Variants in HEATR6 observed in about 807,000 individuals in gnomAD.
The protein encoded by HEATR6 is HEAT repeat containing 6, also known as HEAT repeat-containing protein 6.
In HEATR6, 106 loss-of-function variants were observed where a neutral mutation model predicts 132.8. The ratio of observed to expected loss-of-function variants is 0.80; its 90% CI spans 0.68 to 0.94. The LOEUF (loss-of-function observed/expected upper bound fraction) is 0.94. HEATR6 is among the 40% of genes least tolerant of loss of function. The pLI, the probability that HEATR6 is intolerant of heterozygous loss-of-function variation, is 0.00. For synonymous variants in HEATR6, 529 were observed against 537.8 expected (o/e 0.98, Z 0.23); for missense variants, 1,339 against 1,425.1 (o/e 0.94, Z 0.97).
Position 60,046,016 on chromosome 17 carries a change from C to G in HEATR6, c.2974+9G>C. On this transcript the variant is annotated intron_variant, in intron 19 of 19. Coordinates refer to ENST00000184956, the MANE Select transcript of HEATR6 (RefSeq NM_022070.5). ...CTTTCCACCAGGGAGTGAAGGGAAA[C>G]TTTCTTACCTAAAGGAAGGGCAGGA... The G allele has an allele frequency of 1.2e-6, 2 of 1,608,252 alleles. No homozygotes were observed. The highest frequency in any genetic ancestry group is 1.1e-5 in the South Asian group (1 of 90,908).
intron 16 of HEATR6, among the ~76,000 whole-genome samples, chr17:60,049,225 C>T (rs1906499032): frequency 6.6e-6 from 1 of 150,958 alleles, no homozygotes; most frequent in East Asian, 1.9e-4. Flanking sequence ...ACATCCCAGG[C>T]TCAAGTGAGC....
chr17:60,074,269 C>G (rs1427323980), intron 2 of HEATR6: 1 of 232,190 alleles, frequency 4.3e-6, no homozygotes, highest in East Asian at 1.7e-4. Context: ...CTGCTAAATA[C>G]CTACTGCATC....
intron 5 of HEATR6, among the ~76,000 whole-genome samples, chr17:60,071,409 A>T (rs964063932): frequency 1.3e-5 from 2 of 152,238 alleles, no homozygotes; most frequent in South Asian, 4.1e-4. Flanking sequence ...TTATAAAAGA[A>T]GCTAACCCTC....
chr17:60,075,454 G>T (rs759147876), intron 2 of HEATR6, among the ~76,000 whole-genome samples: 2 of 152,134 alleles, frequency 1.3e-5, no homozygotes, highest in Non-Finnish European at 2.9e-5. Context: ...TATGTTTTGT[G>T]CTCTTAAATA....
intron 2 of HEATR6, chr17:60,075,898 C>A: frequency 3.7e-6 from 1 of 267,242 alleles, no homozygotes; most frequent in Non-Finnish European, 7.0e-6. Context: ...TATTGGTTTA[C>A]TGAACCAAAC....
chr17:60,062,958 CT>C, intron 9 of HEATR6: 1 of 176,350 alleles, frequency 5.7e-6, no homozygotes, highest in Non-Finnish European at 1.1e-5. Flanking sequence ...AAAGAAGTGC[CT>C]TTTGCCTCCT....
At chr17:60,045,654 A>T (rs549841123) in intron 19 of HEATR6, among the ~76,000 whole-genome samples, 1 of 152,330 alleles carries the variant, frequency 6.6e-6, no homozygotes, top group South Asian at 2.1e-4. Context: ...AACAGAAAAA[A>T]TCCTACCCAT....
At position 60,066,261 on chromosome 17, in the gene HEATR6, C is replaced by A; in HGVS notation, c.1364G>T (p.Ser455Ile). 1 of 1,614,060 alleles carries A rather than the reference C, an allele frequency of 6.2e-7. No homozygotes were observed. The highest frequency in any genetic ancestry group is 8.5e-7 in the Non-Finnish European group (1 of 1,179,978). The change falls in exon 9 of 20, where the codon AGC becomes ATC. Residue 455 changes from serine to isoleucine, a missense_variant. Coordinates refer to ENST00000184956, the MANE Select transcript of HEATR6 (RefSeq NM_022070.5). ...AFIPDTPELG[S>I]PQSVSLMTLT... ...AGTCATCAAGGACACTGACTGTGGG[C>A]TGCCAAGTTCAGGCGTATCAGGAAT...
At position 60,057,122 on chromosome 17, in the gene HEATR6, A is replaced by G. The variant is rs777777144; in HGVS notation, c.2005T>C (p.Cys669Arg). 6.8e-6 allele frequency: 11 copies of G among 1,614,178 alleles called. No individual in the cohort carries two copies. The South Asian group carries it at 7.7e-5, about 11-fold the overall frequency. ...SIVVLPKEDS[C>R]SGSDAGSAAG... ...GCAGAGCCAGCATCGCTACCTGAAC[A>G]GGAATCCTCCTTGGGCAGTACGACA... The change falls in exon 12 of 20, where the codon TGT (cysteine) becomes CGT (arginine). Residue 669 changes from cysteine (C) to arginine (R), a missense_variant. Transcript: ENST00000184956.
chr17:60,075,084 T>C (rs550200650), intron 2 of HEATR6, among the ~76,000 whole-genome samples: 7 of 152,330 alleles, frequency 4.6e-5, no homozygotes, highest in African/African-American at 9.6e-5. Flanking sequence ...CAGCAAGATA[T>C]TGGGGAGTCT....
chr17:60,048,651 T>C (rs529970705), intron 16 of HEATR6, among the ~76,000 whole-genome samples: 1 of 152,146 alleles, frequency 6.6e-6, no homozygotes, highest in Non-Finnish European at 1.5e-5. Context: ...ACATCGAATA[T>C]ATAAGCTGGC....
intron 2 of HEATR6, chr17:60,075,887 A>T: frequency 3.7e-6 from 1 of 273,078 alleles, no homozygotes; most frequent in Non-Finnish European, 6.8e-6. Context: ...GGCCTGAATG[A>T]TATTGGTTTA....
chr17:60,056,777 C>T (rs1027352572), intron 12 of HEATR6, among the ~76,000 whole-genome samples: 9 of 152,022 alleles, frequency 5.9e-5, no homozygotes, highest in Non-Finnish European at 8.8e-5. Context: ...AATTATTCTA[C>T]AATCTATTAC....
Position 60,060,046 on chromosome 17 carries a change from CT to C in HEATR6, c.1466del (p.Lys489SerfsTer22). 1 of 1,614,032 alleles carries C rather than the reference CT, an allele frequency of 6.2e-7. No individual in the cohort carries two copies. Among genetic ancestry groups the C allele is most frequent in the Non-Finnish European group, 8.5e-7 (1 of 1,179,944 alleles). ...QVLSAILEGS[K>X]QFLSVAEDTS... Reference sequence around the variant, plus strand: ...TATCTTCAGCAACAGAAAGAAACTGCTTTGAGCCTTCCAAGATGGCAGATAA... The same window carrying C: ...TATCTTCAGCAACAGAAAGAAACTGCTTGAGCCTTCCAAGATGGCAGATAA... On this transcript the variant is annotated frameshift_variant, in exon 10 of 20. Coordinates refer to ENST00000184956, the MANE Select transcript of HEATR6 (RefSeq NM_022070.5).
At position 60,059,520 on chromosome 17, in the gene HEATR6, C is replaced by G. The variant is rs978491547; in HGVS notation, c.1625G>C (p.Cys542Ser). ...SSQTVTQIIK[C>S]LANLVSNAPY... ...TGCATTTGATACTAAATTTGCAAGG[C>G]ACTGTAAAACACAAAAAGTAGCTCA... Residue 542 changes from cysteine to serine, a missense_variant and splice_region_variant, in exon 11 of 20, where the codon TGC becomes TCC. By Grantham distance (112) the Cys-to-Ser change is moderately radical (BLOSUM62 -1). Coordinates refer to ENST00000184956, the MANE Select transcript of HEATR6 (RefSeq NM_022070.5). 6.2e-7 allele frequency: 1 copy of G among 1,600,412 alleles called. No homozygotes were observed. Among genetic ancestry groups the G allele is most frequent in the Non-Finnish European group, 8.5e-7 (1 of 1,170,616 alleles).
At chr17:60,070,629 A>C (rs984606079) in intron 6 of HEATR6, 77 bp downstream of exon 6, 20 of 711,606 alleles carry the variant, frequency 2.8e-5, no homozygotes, top group Non-Finnish European at 4.1e-5. Flanking sequence ...AGTTAGCCTT[A>C]GAATAAGGAT....
intron 3 of HEATR6, 34 bp downstream of exon 3, chr17:60,073,712 C>T (rs2083281815): frequency 5.0e-6 from 8 of 1,604,392 alleles, no homozygotes; most frequent in Non-Finnish European, 6.8e-6. Flanking sequence ...GTGCTCCTGG[C>T]CTTTCAAAGG....
intron 18 of HEATR6, among the ~76,000 whole-genome samples, chr17:60,046,663 C>T (rs565692086): frequency 1.2e-4 from 19 of 152,264 alleles, no homozygotes; most frequent in South Asian, 1.2e-3. Flanking sequence ...AAAACCGATT[C>T]GGAGGCCCTA....
intron 9 of HEATR6, among the ~76,000 whole-genome samples, chr17:60,064,973 A>G (rs763203967): frequency 6.6e-6 from 1 of 152,092 alleles, no homozygotes; most frequent in Admixed American, 6.6e-5. Flanking sequence ...TTCTTGCTCC[A>G]CAGCACCATC....
Sources: allele counts gnomAD v4.1 joint callset (sites outside exome capture counted in the v4.1 genomes callset), GRCh38; gene constraint gnomAD v4.1.1; transcripts MANE v1.5; gene names NCBI Gene and HGNC (gene_info 2026-07-23, HGNC 2026-07-21).